HTR1F: variants seen among roughly 807,000 people sequenced by gnomAD.
HTR1F encodes 5-hydroxytryptamine (serotonin) receptor 1F, G protein-coupled.
Under a neutral mutation model 24.0 loss-of-function variants are expected in HTR1F, and 17 were observed. The ratio of observed to expected loss-of-function variants is 0.71; its 90% CI spans 0.48 to 1.06. The LOEUF is 1.06. HTR1F is among the 50% of genes least tolerant of loss of function. The probability of loss-of-function intolerance (pLI) is 0.00; values close to 1 mark genes in which losing one functional copy is unlikely to be tolerated. For missense variants in HTR1F, 391 were observed against 427.8 expected, an observed-to-expected ratio of 0.91 and a Z score of 0.76; for synonymous variants, 186 against 156.8, an observed-to-expected ratio of 1.19 and a Z score of -1.39.
At chr3:87,842,472 T>C (rs1325765831) in intron 2 of HTR1F, among the ~76,000 whole-genome samples, 7 of 151,852 alleles carry the variant, frequency 4.6e-5, no homozygotes, top group Non-Finnish European at 1.0e-4. Flanking sequence ...AAAACAATAG[T>C]TTTTATAAAG....
chr3:87,861,399 G>C (rs1370386038), intron 2 of HTR1F, among the ~76,000 whole-genome samples: 1 of 152,156 alleles, frequency 6.6e-6, no homozygotes, highest in East Asian at 1.9e-4. Flanking sequence ...AGGATGAAGA[G>C]CTTTACCTCC....
intron 2 of HTR1F, among the ~76,000 whole-genome samples, chr3:87,905,029 C>G (rs1559625684): frequency 6.6e-6 from 1 of 151,908 alleles, no homozygotes; most frequent in Non-Finnish European, 1.5e-5. Flanking sequence ...TTGTCCAGGA[C>G]TGGTATGGTG....
chr3:87,868,163 G>A (rs1215046607), intron 2 of HTR1F, among the ~76,000 whole-genome samples: 1 of 151,980 alleles, frequency 6.6e-6, no homozygotes. Context: ...AGATGATTTT[G>A]TTGCCATGGT....
At chr3:87,830,046 T>C (rs745991657) in intron 2 of HTR1F, among the ~76,000 whole-genome samples, 14 of 152,348 alleles carry the variant, frequency 9.2e-5, no homozygotes, top group Non-Finnish European at 1.8e-4. Context: ...CAAAATAAAT[T>C]GAATCCTATT....
chr3:87,943,659 C>T (rs1252339516), intron 2 of HTR1F, among the ~76,000 whole-genome samples: 7 of 152,076 alleles, frequency 4.6e-5, no homozygotes, highest in African/African-American at 9.7e-5. Flanking sequence ...TACATAATTG[C>T]GAGTTGTCTC....
At chr3:87,921,733 C>T (rs1411726275) in intron 2 of HTR1F, among the ~76,000 whole-genome samples, 2 of 151,740 alleles carry the variant, frequency 1.3e-5, no homozygotes, top group Non-Finnish European at 2.9e-5. Flanking sequence ...TCCTCGCTAC[C>T]CTTCCCAGGC....
chr3:87,881,459 C>T (rs943526117), intron 2 of HTR1F, among the ~76,000 whole-genome samples: 2 of 152,134 alleles, frequency 1.3e-5, no homozygotes, highest in African/African-American at 2.4e-5. Context: ...CACTGCAGCT[C>T]AGCAAGGCCT....
At chr3:87,907,220 A>G (rs1247352969) in intron 2 of HTR1F, among the ~76,000 whole-genome samples, 3 of 150,434 alleles carry the variant, frequency 2.0e-5, no homozygotes, top group African/African-American at 7.4e-5. Flanking sequence ...ATTATTGGTC[A>G]TTCTTGCAAA....
chr3:87,943,812 C>T (rs911029518), intron 2 of HTR1F, among the ~76,000 whole-genome samples: 1 of 152,180 alleles, frequency 6.6e-6, no homozygotes, highest in African/African-American at 2.4e-5. Flanking sequence ...GATATCATGG[C>T]CAGGCGGTAC....
At chr3:87,913,634 C>G (rs979432292) in intron 2 of HTR1F, among the ~76,000 whole-genome samples, 2 of 152,080 alleles carry the variant, frequency 1.3e-5, no homozygotes, top group African/African-American at 2.4e-5. Context: ...TGTATCCATA[C>G]GTTGATTGCA....
intron 2 of HTR1F, among the ~76,000 whole-genome samples, chr3:87,920,248 G>C (rs989440945): frequency 6.6e-6 from 1 of 151,842 alleles, no homozygotes; most frequent in Non-Finnish European, 1.5e-5. Flanking sequence ...GGGGACTCAG[G>C]GGAAAGGGTG....
rs188919961 is a variant in HTR1F at position 87,949,694 on chromosome 3, A to G, written c.-42-41014A>G. On this transcript the variant is annotated intron_variant, in intron 2 of 2. Coordinates refer to ENST00000319595, the MANE Select transcript of HTR1F (RefSeq NM_001322209.2). ...TGAAACCCACACCGTCTCCTTTTACATCACCCTTCCTGTAACCACTCTAAT... is the reference window on the plus strand; with the variant it reads ...TGAAACCCACACCGTCTCCTTTTACGTCACCCTTCCTGTAACCACTCTAAT... Among the ~76,000 whole-genome samples the G allele has an allele frequency of 7.4e-4, 113 of 152,234 alleles. 1 individual carries two copies. The highest frequency in any genetic ancestry group is 2.8e-4 in the Non-Finnish European group (19 of 68,016).
chr3:87,984,550 C>T (rs1705621642), intron 2 of HTR1F, among the ~76,000 whole-genome samples: 1 of 152,132 alleles, frequency 6.6e-6, no homozygotes, highest in South Asian at 2.1e-4. Context: ...ACAACCTCTA[C>T]CTCCCAGGTA....
intron 2 of HTR1F, among the ~76,000 whole-genome samples, chr3:87,932,186 T>C (rs1222820046): frequency 6.6e-6 from 1 of 152,170 alleles, no homozygotes; most frequent in Non-Finnish European, 1.5e-5. Context: ...AGGTCTAACA[T>C]TTAAGTCTTT....
intron 2 of HTR1F, among the ~76,000 whole-genome samples, chr3:87,894,559 C>CTTTTTTT (rs35190252): frequency 1.3e-4 from 10 of 74,660 alleles, no homozygotes; most frequent in Non-Finnish European, 1.9e-4. Context: ...TGCCCAGCCT[C>CTTTTTTT]TTTTTTTTTT....
At chr3:87,894,215 G>A (rs1348725858) in intron 2 of HTR1F, among the ~76,000 whole-genome samples, 11 of 152,020 alleles carry the variant, frequency 7.2e-5, no homozygotes, top group Admixed American at 6.6e-4. Flanking sequence ...AGTCTGTTGT[G>A]TCATTCTTAT....
chr3:87,890,424 C>T (rs1296188570), intron 2 of HTR1F, among the ~76,000 whole-genome samples: 5 of 152,046 alleles, frequency 3.3e-5, no homozygotes, highest in Middle Eastern at 6.8e-3. Context: ...GATTAAGGTT[C>T]TAAGAGGTTT....
intron 1 of HTR1F, among the ~76,000 whole-genome samples, chr3:87,803,134 C>T (rs947176668): frequency 4.6e-5 from 7 of 152,128 alleles, no homozygotes; most frequent in East Asian, 1.9e-4. Context: ...CATTTTCTCT[C>T]GAATTCATCT....
intron 2 of HTR1F, among the ~76,000 whole-genome samples, chr3:87,933,475 C>A (rs962436596): frequency 1.3e-5 from 2 of 152,180 alleles, no homozygotes; most frequent in Admixed American, 6.5e-5. Flanking sequence ...AGCTCAAAAT[C>A]TCCTTAAGCT....
Sources: gnomAD v4.1 joint callset for allele counts (sites outside exome capture counted in the v4.1 genomes callset) on GRCh38, gnomAD v4.1.1 for gene constraint, MANE v1.5 for transcripts, NCBI Gene and HGNC (gene_info 2026-07-23, HGNC 2026-07-21) for gene names.